SPOCK3: variants seen among roughly 807,000 people sequenced by gnomAD.
SPOCK3 encodes the protein SPARC (osteonectin), cwcv and kazal like domains proteoglycan 3.
Under a neutral mutation model 56.6 loss-of-function variants are expected in SPOCK3, and 30 were observed. That is an observed-to-expected ratio of 0.53 (90% CI 0.40 to 0.72). SPOCK3 has a LOEUF of 0.72. SPOCK3 is among the 30% of genes least tolerant of loss of function. The pLI, the probability that SPOCK3 is intolerant of heterozygous loss-of-function variation, is 0.00. For synonymous variants in SPOCK3, 196 were observed against 183.3 expected (o/e 1.07, Z -0.56); for missense variants, 527 against 530.0 (o/e 0.99, Z 0.06).
chr4:166,829,671 T>C (rs534502196), intron 6 of SPOCK3, among the ~76,000 whole-genome samples: 9 of 152,220 alleles, frequency 5.9e-5, no homozygotes, highest in African/African-American at 1.9e-4. Context: ...TTGATGCAAA[T>C]TTAAATTGCT....
intron 6 of SPOCK3, among the ~76,000 whole-genome samples, chr4:166,864,918 C>T (rs1357386176): frequency 6.6e-6 from 1 of 152,132 alleles, no homozygotes; most frequent in Non-Finnish European, 1.5e-5. Flanking sequence ...AGGGAGCCCT[C>T]CCTAACTTAT....
chr4:167,061,690 A>G (rs948916584), intron 3 of SPOCK3, among the ~76,000 whole-genome samples: 1 of 151,828 alleles, frequency 6.6e-6, no homozygotes, highest in Non-Finnish European at 1.5e-5. Context: ...TCTTACAAAA[A>G]CTTCTATTTT....
chr4:166,934,655 T>A (rs926253385), intron 4 of SPOCK3, among the ~76,000 whole-genome samples: 4 of 152,146 alleles, frequency 2.6e-5, no homozygotes, highest in African/African-American at 9.7e-5. Flanking sequence ...TTTATAATAA[T>A]AATTTATGAT....
At chr4:166,795,250 T>C (rs1243351151) in intron 6 of SPOCK3, among the ~76,000 whole-genome samples, 4 of 152,180 alleles carry the variant, frequency 2.6e-5, no homozygotes, top group Non-Finnish European at 5.9e-5. Flanking sequence ...CAATTTCTAT[T>C]ATTTCAAATT....
chr4:166,840,771 GTTTT>G (rs70955697), intron 6 of SPOCK3, among the ~76,000 whole-genome samples: 5 of 68,176 alleles, frequency 7.3e-5, no homozygotes, highest in East Asian at 4.3e-4. Flanking sequence ...AGAAGCAAAA[GTTTT>G]TTTTTTTTTT....
chr4:167,043,906 T>A (rs1351645807), intron 3 of SPOCK3, among the ~76,000 whole-genome samples: 1 of 152,034 alleles, frequency 6.6e-6, no homozygotes. Context: ...TGTTTTCTTT[T>A]CTTTGTAATG....
At chr4:166,905,893 A>G (rs1011996351) in intron 5 of SPOCK3, among the ~76,000 whole-genome samples, 5 of 152,062 alleles carry the variant, frequency 3.3e-5, no homozygotes, top group Non-Finnish European at 7.4e-5. Flanking sequence ...AAAAGTACTT[A>G]ACAAATTTAA....
chr4:167,137,229 A>G (rs1227672510), intron 2 of SPOCK3, among the ~76,000 whole-genome samples: 1 of 152,042 alleles, frequency 6.6e-6, no homozygotes, highest in Non-Finnish European at 1.5e-5. Flanking sequence ...ACCCAAATAA[A>G]TAAGTAGATA....
At chr4:166,911,164 C>T (rs749295412) in intron 5 of SPOCK3, among the ~76,000 whole-genome samples, 3 of 152,136 alleles carry the variant, frequency 2.0e-5, no homozygotes, top group Non-Finnish European at 4.4e-5. Context: ...GCGATAACTC[C>T]GCTTCTATAT....
At chr4:166,826,280 T>C (rs114046544) in intron 6 of SPOCK3, among the ~76,000 whole-genome samples, 2 of 152,126 alleles carry the variant, frequency 1.3e-5, no homozygotes, top group African/African-American at 2.4e-5. Context: ...AATTCTAAGA[T>C]GCACTTTGTT....
intron 7 of SPOCK3, among the ~76,000 whole-genome samples, chr4:166,772,438 C>G (rs950315339): frequency 5.3e-5 from 8 of 151,970 alleles, no homozygotes; most frequent in African/African-American, 1.9e-4. Context: ...GACTCTGTGT[C>G]CAATTTCCAG....
Position 166,749,196 on chromosome 4 carries a change from A to T in SPOCK3, c.931+5312T>A, listed in dbSNP as rs879010010. ...TAAAGACACATGTGCACGTATGTTT[A>T]TTGCAGCACTGCTCACAATAGCAAA... On this transcript the variant is annotated intron_variant, in intron 8 of 10. Transcript: ENST00000357545. Among the ~76,000 whole-genome samples, 3 of 137,698 alleles carry T rather than the reference A, an allele frequency of 2.2e-5. 1 individual carries two copies. Among genetic ancestry groups the T allele is most frequent in the Non-Finnish European group, 4.6e-5 (3 of 64,888 alleles). The allele number at this position is 137,698 out of a possible 152,430, so 90.3% of individuals were successfully genotyped here. A position where few individuals can be genotyped will look rare whatever the true frequency, so the allele number is the denominator to read the frequency against.
At chr4:167,178,550 T>A (rs1731177556) in intron 2 of SPOCK3, among the ~76,000 whole-genome samples, 2 of 152,310 alleles carry the variant, frequency 1.3e-5, no homozygotes, top group Non-Finnish European at 2.9e-5. Context: ...ACAATTGGAA[T>A]ACGTTTGTAA....
At position 166,991,343 on chromosome 4, in the gene SPOCK3, A is replaced by ATATTTATTTATT. The variant is rs5863850; in HGVS notation, c.350+8994_350+9005dup. Among the ~76,000 whole-genome samples, 1,024 of 142,886 alleles carry ATATTTATTTATT rather than the reference A, an allele frequency of 7.2e-3. 8 individuals carry two copies. The highest frequency in any genetic ancestry group is 9.1e-3 in the East Asian group (44 of 4,834). The allele number at this position is 142,886 out of a possible 152,430, so 93.7% of individuals were successfully genotyped here. The stretch of plus-strand genomic sequence containing the variant: ...AAAGATAATGTGACTTTTTGTTTTT[A>ATATTTATTTATT]TATTTATTTATTTATTTATTTATTT... On this transcript the variant is annotated intron_variant, in intron 4 of 10. Coordinates refer to ENST00000357545, the MANE Select transcript of SPOCK3 (RefSeq NM_001040159.2).
At chr4:166,920,113 T>G (rs929325948) in intron 4 of SPOCK3, among the ~76,000 whole-genome samples, 1 of 152,172 alleles carries the variant, frequency 6.6e-6, no homozygotes, top group African/African-American at 2.4e-5. Context: ...AAATATGGAC[T>G]TCCAGGGTTA....
intron 2 of SPOCK3, among the ~76,000 whole-genome samples, chr4:167,112,848 T>TTAAAA (rs1554038269): frequency 3.3e-5 from 5 of 149,490 alleles, no homozygotes; most frequent in Non-Finnish European, 7.4e-5. Context: ...TGCTCTTTTT[T>TTAAAA]AAAAAAAAAA....
intron 6 of SPOCK3, among the ~76,000 whole-genome samples, chr4:166,845,277 A>G (rs2126849966): frequency 6.6e-6 from 1 of 152,318 alleles, no homozygotes; most frequent in Middle Eastern, 3.4e-3. Flanking sequence ...TGCAAAAAGA[A>G]CAATTGGTAA....
intron 2 of SPOCK3, among the ~76,000 whole-genome samples, chr4:167,117,868 T>A (rs762575160): frequency 6.6e-6 from 1 of 152,104 alleles, no homozygotes; most frequent in Non-Finnish European, 1.5e-5. Context: ...CAACAAAGCT[T>A]AATAAGACCC....
At chr4:166,858,522 T>C (rs1400114707) in intron 6 of SPOCK3, among the ~76,000 whole-genome samples, 2 of 152,172 alleles carry the variant, frequency 1.3e-5, no homozygotes, top group Admixed American at 6.5e-5. Flanking sequence ...ACAATAAATC[T>C]AGAGTTTTCC....
Sources: gnomAD v4.1 joint callset for allele counts (sites outside exome capture counted in the v4.1 genomes callset) on GRCh38, gnomAD v4.1.1 for gene constraint, MANE v1.5 for transcripts, NCBI Gene and HGNC (gene_info 2026-07-23, HGNC 2026-07-21) for gene names.